Variants in PALLD observed in about 807,000 individuals in gnomAD.
The protein encoded by PALLD is palladin, cytoskeletal associated protein, also known as palladin.
A neutral mutation model predicts 123.5 loss-of-function variants in PALLD; 61 were observed. That is an observed-to-expected ratio of 0.49 (90% CI 0.40 to 0.61). The LOEUF (loss-of-function observed/expected upper bound fraction) is 0.61, where lower values mean the gene tolerates loss of function less well. PALLD is among the 20% of genes least tolerant of loss of function. PALLD has a pLI of 0.00. For synonymous variants in PALLD, 465 were observed against 496.4 expected (o/e 0.94, Z 0.84); for missense variants, 1,273 against 1,377.0 (o/e 0.92, Z 1.20).
intron 1 of PALLD, among the ~76,000 whole-genome samples, chr4:168,508,286 T>C (rs551384016): frequency 6.6e-6 from 1 of 152,244 alleles, no homozygotes; most frequent in East Asian, 1.9e-4. Context: ...ATTTAAAAAA[T>C]AAAATACAAT....
At chr4:168,745,092 T>C (rs1730088557) in intron 10 of PALLD, among the ~76,000 whole-genome samples, 1 of 152,196 alleles carries the variant, frequency 6.6e-6, no homozygotes, top group African/African-American at 2.4e-5. Flanking sequence ...TCACTTAGAC[T>C]CTTTAAGCTT....
intron 6 of PALLD, among the ~76,000 whole-genome samples, chr4:168,689,368 A>G (rs1231971374): frequency 4.1e-5 from 6 of 147,108 alleles, no homozygotes; most frequent in African/African-American, 1.5e-4. Context: ...CTTTTGGTGT[A>G]TATATGGATA....
intron 2 of PALLD, among the ~76,000 whole-genome samples, chr4:168,662,068 T>TA (rs1779186436): frequency 6.6e-6 from 1 of 152,198 alleles, no homozygotes; most frequent in South Asian, 2.1e-4. Flanking sequence ...TTTATGATTT[T>TA]ATGGCAGAAA....
At chr4:168,627,915 C>G (rs1397343685) in intron 2 of PALLD, among the ~76,000 whole-genome samples, 2 of 152,206 alleles carry the variant, frequency 1.3e-5, no homozygotes, top group African/African-American at 4.8e-5. Flanking sequence ...TCAAAACTAT[C>G]TTGAGACATC....
At chr4:168,730,125 C>T (rs1787011912) in intron 10 of PALLD, among the ~76,000 whole-genome samples, 1 of 152,026 alleles carries the variant, frequency 6.6e-6, no homozygotes, top group Non-Finnish European at 1.5e-5. Context: ...TCTCCATTTT[C>T]CCTGTTCTCT....
intron 10 of PALLD, among the ~76,000 whole-genome samples, chr4:168,874,182 C>T (rs1005584140): frequency 6.6e-6 from 1 of 152,176 alleles, no homozygotes; most frequent in African/African-American, 2.4e-5. Context: ...AAGCTAGTAG[C>T]CGGCTGAGCT....
At position 168,915,964 on chromosome 4, in the gene PALLD, C is replaced by G; in HGVS notation, c.2787C>G (p.His929Gln). ...TTCAGGAGCGATTCTTCAGACCTCACTTCTTGCAGGCTCCTGGAGATCTGA... is the reference window on the plus strand; with the variant it reads ...TTCAGGAGCGATTCTTCAGACCTCAGTTCTTGCAGGCTCCTGGAGATCTGA... ...EPIQERFFRP[H>Q]FLQAPGDLTV... The change falls in exon 17 of 22, where the codon CAC becomes CAG. Residue 929 changes from histidine to glutamine, a missense_variant. Coordinates refer to ENST00000505667, the MANE Select transcript of PALLD (RefSeq NM_001166108.2). 1 of 1,613,424 alleles carries G rather than the reference C, an allele frequency of 6.2e-7. No individual in the cohort carries two copies. The highest frequency in any genetic ancestry group is 8.5e-7 in the Non-Finnish European group (1 of 1,179,328).
chr4:168,737,986 C>T (rs1333843846), intron 10 of PALLD, among the ~76,000 whole-genome samples: 1 of 152,204 alleles, frequency 6.6e-6, no homozygotes. Flanking sequence ...GTGAAGTCCC[C>T]TTGGAGGAGG....
intron 10 of PALLD, among the ~76,000 whole-genome samples, chr4:168,800,797 A>G (rs975595275): frequency 1.3e-5 from 2 of 152,226 alleles, no homozygotes; most frequent in Non-Finnish European, 2.9e-5. Flanking sequence ...GTGCACCCAG[A>G]GACACGTAAC....
chr4:168,704,264 T>TA (rs1366288433), intron 8 of PALLD, among the ~76,000 whole-genome samples: 1 of 152,108 alleles, frequency 6.6e-6, no homozygotes. Context: ...ACATTAGACC[T>TA]AAAACCATAA....
chr4:168,598,305 C>T, intron 2 of PALLD: 2 of 427,756 alleles, frequency 4.7e-6, no homozygotes. Flanking sequence ...TCCTCCTCCT[C>T]ATCATTGTCT....
intron 10 of PALLD, among the ~76,000 whole-genome samples, chr4:168,764,953 G>A (rs1329265432): frequency 6.6e-6 from 1 of 152,086 alleles, no homozygotes; most frequent in Non-Finnish European, 1.5e-5. Flanking sequence ...TTTCTCATTT[G>A]AATCGAGGGT....
At chr4:168,921,007 T>C (rs1274781810) in intron 17 of PALLD, among the ~76,000 whole-genome samples, 4 of 152,194 alleles carry the variant, frequency 2.6e-5, no homozygotes, top group Non-Finnish European at 5.9e-5. Context: ...CGGTCTTCTC[T>C]AGGTTGCTCT....
At chr4:168,668,831 A>G (rs1779906044) in intron 3 of PALLD, among the ~76,000 whole-genome samples, 2 of 152,212 alleles carry the variant, frequency 1.3e-5, no homozygotes, top group Non-Finnish European at 2.9e-5. Context: ...TTCTAAATGT[A>G]TTATAAACTT....
chr4:168,905,151 T>TG (rs1560895100), intron 15 of PALLD, among the ~76,000 whole-genome samples: 10 of 133,204 alleles, frequency 7.5e-5, no homozygotes, highest in South Asian at 2.7e-4. Context: ...TTTTTTTTTT[T>TG]TTTTTTTTTT....
chr4:168,618,516 G>A (rs998430710), intron 2 of PALLD, among the ~76,000 whole-genome samples: 10 of 152,140 alleles, frequency 6.6e-5, no homozygotes, highest in South Asian at 6.2e-4. Flanking sequence ...ATAATATATC[G>A]AAGCATCTAA....
intron 10 of PALLD, among the ~76,000 whole-genome samples, chr4:168,849,214 C>A (rs934044563): frequency 2.6e-5 from 4 of 152,230 alleles, no homozygotes; most frequent in African/African-American, 7.2e-5. Flanking sequence ...AGATAAGCTG[C>A]CCCTTAGGGA....
rs148813682 is a variant in PALLD, at chr4:168,717,428, G to T, written c.1964+5505G>T. ...AGCAATGATGTGATCTTGGCTCACT[G>T]CAACCTCCACATCCTGGGTGCAAGT... On this transcript the variant is annotated intron_variant, in intron 10 of 21. Coordinates refer to ENST00000505667, the MANE Select transcript of PALLD (RefSeq NM_001166108.2). Among the ~76,000 whole-genome samples the T allele has an allele frequency of 1.4e-3, 214 of 152,042 alleles. 1 individual carries two copies. Among genetic ancestry groups the T allele is most frequent in the African/African-American group, 4.9e-3 (204 of 41,476 alleles).
chr4:168,640,696 A>T (rs1192744854), intron 2 of PALLD, among the ~76,000 whole-genome samples: 2 of 152,244 alleles, frequency 1.3e-5, no homozygotes, highest in Non-Finnish European at 2.9e-5. Context: ...CTTATAAATC[A>T]CTTATCTCCA....
Sources: gnomAD v4.1 joint callset for allele counts (sites outside exome capture counted in the v4.1 genomes callset) on GRCh38, gnomAD v4.1.1 for gene constraint, MANE v1.5 for transcripts, NCBI Gene and HGNC (gene_info 2026-07-23, HGNC 2026-07-21) for gene names.